The following GPRIN3 variants were observed in gnomAD, a reference collection of about 807,000 sequenced individuals.
GPRIN3 encodes GPRIN family member 3, also known as G protein-regulated inducer of neurite outgrowth 3.
GPRIN3 carries 12 observed loss-of-function variants against 13.7 expected under a neutral mutation model. The observed-to-expected ratio is 0.87, with a 90% CI of 0.56 to 1.42. GPRIN3 has a LOEUF of 1.42. Ranked by LOEUF, GPRIN3 falls within the 40% of genes most tolerant of loss-of-function variation. The pLI, the probability that GPRIN3 is intolerant of heterozygous loss-of-function variation, is 0.00. For synonymous variants in GPRIN3, 377 were observed against 372.7 expected (o/e 1.01, Z -0.13); for missense variants, 1,009 against 958.7 (o/e 1.05, Z -0.69).
Position 89,248,788 on chromosome 4 carries a change from T to C in GPRIN3, c.1323A>G (p.Ala441=), listed in dbSNP as rs781467172. Residue 441 remains alanine (A), a synonymous_variant, in exon 2 of 2, where the codon GCA becomes GCG. Transcript: ENST00000609438. ...ACTCTTCCCTCACTGGAGTCATTCC[T>C]GCTAACCTCCCATCTTCTTTACACG... ...QHTCKEDGRL[A]GMTPVREEST... The C allele has an allele frequency of 3.1e-6, 5 of 1,614,108 alleles. No individual in the cohort carries two copies. The African/African-American group carries it at 6.7e-5, about 22-fold the overall frequency.
intron 1 of GPRIN3, among the ~76,000 whole-genome samples, chr4:89,290,208 C>T (rs566925048): frequency 6.6e-6 from 1 of 151,942 alleles, no homozygotes; most frequent in African/African-American, 2.4e-5. Flanking sequence ...AGGCTCAACC[C>T]ATCCTCTTGC....
chr4:89,257,037 T>C (rs1723485215), intron 1 of GPRIN3, among the ~76,000 whole-genome samples: 1 of 152,158 alleles, frequency 6.6e-6, no homozygotes, highest in Admixed American at 6.5e-5. Flanking sequence ...AAAAACATCA[T>C]ACCGGGGCAC....
intron 1 of GPRIN3, among the ~76,000 whole-genome samples, chr4:89,271,595 C>A (rs1347802864): frequency 6.6e-6 from 1 of 151,844 alleles, no homozygotes; most frequent in Non-Finnish European, 1.5e-5. Context: ...TATTGTATTG[C>A]TATTTTTTAT....
At chr4:89,253,096 G>A (rs995840885) in intron 1 of GPRIN3, among the ~76,000 whole-genome samples, 12 of 150,816 alleles carry the variant, frequency 8.0e-5, no homozygotes, top group African/African-American at 2.0e-4. Context: ...CACTGTTTTC[G>A]CACCATTGTT....
intron 1 of GPRIN3, among the ~76,000 whole-genome samples, chr4:89,277,510 T>C (rs1724127676): frequency 6.6e-6 from 1 of 152,230 alleles, no homozygotes; most frequent in African/African-American, 2.4e-5. Flanking sequence ...ATATGGTCAG[T>C]GGACAATGCT....
intron 1 of GPRIN3, among the ~76,000 whole-genome samples, chr4:89,307,183 TAC>T (rs1405250040): frequency 2.6e-5 from 4 of 151,762 alleles, no homozygotes; most frequent in African/African-American, 4.8e-5. Context: ...TGTGTGTATA[TAC>T]ACACACATAC....
At chr4:89,271,772 A>C (rs982413373) in intron 1 of GPRIN3, among the ~76,000 whole-genome samples, 40 of 152,166 alleles carry the variant, frequency 2.6e-4, no homozygotes, top group African/African-American at 9.4e-4. Context: ...AGAAAGAAAG[A>C]CAAGGGTGCA....
Position 89,249,379 on chromosome 4 carries a change from A to C in GPRIN3, c.732T>G (p.Cys244Trp). The change falls in exon 2 of 2, where the codon TGT (cysteine) becomes TGG (tryptophan). Residue 244 changes from cysteine (C) to tryptophan (W), a missense_variant. Transcript: ENST00000609438. ...TGACAGAGGGCTGCTTGTTCTCTGA[A>C]CATCCAGATTCTCTAGTTAGAGGTT... The part of the protein sequence containing the change: ...SCKPLTRESG[C>W]SENKQPSVTA... 1.9e-6 allele frequency: 3 copies of C among 1,614,116 alleles called. No homozygotes were observed. Among genetic ancestry groups the C allele is most frequent in the Non-Finnish European group, 1.7e-6 (2 of 1,180,008 alleles).
chr4:89,239,124 C>T lies in GPRIN3; in HGVS notation c.*8656G>A, dbSNP rs895729240. On this transcript the variant is annotated 3_prime_UTR_variant, in exon 2 of 2. Transcript: ENST00000609438. ...AGAACTTTCTGAAATGATTTTATGG[C>T]CTTTGTAAACATTATAATGTAGACA... 6.6e-6 allele frequency: 1 copy of T among 151,892 alleles called. No homozygotes were observed. The highest frequency in any genetic ancestry group is 2.4e-5 in the African/African-American group (1 of 41,348). 9.4% of individuals were successfully genotyped at this position (151,892 alleles called of 1,614,324 possible). A position where few individuals can be genotyped will look rare whatever the true frequency, so the allele number is the denominator to read the frequency against.
chr4:89,292,188 A>G (rs1278354269), intron 1 of GPRIN3, among the ~76,000 whole-genome samples: 1 of 152,200 alleles, frequency 6.6e-6, no homozygotes, highest in Non-Finnish European at 1.5e-5. Context: ...CTAATCTAGT[A>G]TTGGCTAATT....
At position 89,266,312 on chromosome 4, in the gene GPRIN3, C is replaced by T. The variant is rs147671221; in HGVS notation, c.-123-16079G>A. ...CCCAAAGTGGGACTTCCTGAGGATG[C>T]CATGACTCAAGGAATCCTGGCAGCT... On this transcript the variant is annotated intron_variant, in intron 1 of 1. Coordinates refer to ENST00000609438, the MANE Select transcript of GPRIN3 (RefSeq NM_198281.3). 3.7e-3 allele frequency among the ~76,000 whole-genome samples: 567 copies of T among 152,268 alleles called. 5 individuals carry two copies. Among genetic ancestry groups the T allele is most frequent in the African/African-American group, 0.012 (502 of 41,542 alleles).
rs1723079892 is a variant in GPRIN3, at chr4:89,245,783, G to C, written c.*1997C>G. 1 of 152,106 alleles carries C rather than the reference G, an allele frequency of 6.6e-6. No homozygotes were observed. Among genetic ancestry groups the C allele is most frequent in the African/African-American group, 2.4e-5 (1 of 41,404 alleles). The allele number at this position is 152,106 out of a possible 1,614,324, so 9.4% of individuals were successfully genotyped here. A position where few individuals can be genotyped will look rare whatever the true frequency, so the allele number is the denominator to read the frequency against. On this transcript the variant is annotated 3_prime_UTR_variant, in exon 2 of 2. Coordinates refer to ENST00000609438, the MANE Select transcript of GPRIN3 (RefSeq NM_198281.3). ...AGTGACACGAACACAACTACAAATG[G>C]GTATTTAAGGCCCAAAGAGAGAGTG... is the stretch of plus-strand genomic sequence containing the variant.
In GPRIN3 at chr4:89,248,784, T is replaced by G; in HGVS notation, c.1327A>C (p.Met443Leu). 1.9e-6 allele frequency: 3 copies of G among 1,614,204 alleles called. No homozygotes were observed. The highest frequency in any genetic ancestry group is 2.5e-6 in the Non-Finnish European group (3 of 1,180,028). The change falls in exon 2 of 2, where the codon ATG becomes CTG. Residue 443 changes from methionine to leucine, a missense_variant. Physicochemically the swap from Met to Leu is conservative, Grantham distance 15. Coordinates refer to ENST00000609438, the MANE Select transcript of GPRIN3 (RefSeq NM_198281.3). ...GTTGACTCTTCCCTCACTGGAGTCA[T>G]TCCTGCTAACCTCCCATCTTCTTTA... ...TCKEDGRLAG[M>L]TPVREESTAK...
intron 1 of GPRIN3, among the ~76,000 whole-genome samples, chr4:89,264,482 AAACT>A (rs1723730604): frequency 6.6e-6 from 1 of 152,176 alleles, no homozygotes; most frequent in Non-Finnish European, 1.5e-5. Context: ...CAACACAAAC[AAACT>A]AAGCCTTATA....
rs115687189 is a variant in GPRIN3 at position 89,264,417 on chromosome 4, G to A, written c.-123-14184C>T. Among the ~76,000 whole-genome samples, 762 of 152,282 alleles carry A rather than the reference G, an allele frequency of 5.0e-3. 13 individuals are homozygous for A. The highest frequency in any genetic ancestry group is 0.017 in the African/African-American group (713 of 41,564). On this transcript the variant is annotated intron_variant, in intron 1 of 1. Coordinates refer to ENST00000609438, the MANE Select transcript of GPRIN3 (RefSeq NM_198281.3). ...TTTTGTACAACCTGCAGAACTGTGAGTGAAATAAACCTCTTTTCTTAATAA... is the reference window on the plus strand; with the variant it reads ...TTTTGTACAACCTGCAGAACTGTGAATGAAATAAACCTCTTTTCTTAATAA...
Position 89,249,430 on chromosome 4 carries a change from G to T in GPRIN3, c.681C>A (p.Ile227=). 2 of 1,614,152 alleles carry T rather than the reference G, an allele frequency of 1.2e-6. No homozygotes were observed. Among genetic ancestry groups the T allele is most frequent in the Non-Finnish European group, 1.7e-6 (2 of 1,180,022 alleles). The change falls in exon 2 of 2, where the codon ATC becomes ATA. Residue 227 remains isoleucine, a synonymous_variant. Coordinates refer to ENST00000609438, the MANE Select transcript of GPRIN3 (RefSeq NM_198281.3). Reference sequence around the variant, plus strand: ...TACAGGACCTCATTTCAGAGTCACAGATGGCTCCCTGCCTTTCCCCTTCAG... The same window carrying T: ...TACAGGACCTCATTTCAGAGTCACATATGGCTCCCTGCCTTTCCCCTTCAG... ...GGPEGERQGA[I]CDSEMRSCKP...
chr4:89,292,890 G>A (rs1724618490), intron 1 of GPRIN3, among the ~76,000 whole-genome samples: 1 of 152,158 alleles, frequency 6.6e-6, no homozygotes, highest in Admixed American at 6.5e-5. Flanking sequence ...ATCTATTGTG[G>A]CAGAAAATAA....
At chr4:89,295,600 C>T (rs978078333) in intron 1 of GPRIN3, among the ~76,000 whole-genome samples, 23 of 151,908 alleles carry the variant, frequency 1.5e-4, no homozygotes, top group African/African-American at 5.6e-4. Context: ...GCAGAATGGG[C>T]CTAAAATTCA....
chr4:89,275,312 G>A (rs372134426), intron 1 of GPRIN3, among the ~76,000 whole-genome samples: 1 of 152,120 alleles, frequency 6.6e-6, no homozygotes, highest in African/African-American at 2.4e-5. Flanking sequence ...TAGAACAAAA[G>A]CTGCGTATCT....
Sources: gnomAD v4.1 joint callset for allele counts (sites outside exome capture counted in the v4.1 genomes callset) on GRCh38, gnomAD v4.1.1 for gene constraint, MANE v1.5 for transcripts, NCBI Gene and HGNC (gene_info 2026-07-23, HGNC 2026-07-21) for gene names.